Variants in SYT9 observed in about 807,000 individuals in gnomAD.
SYT9 encodes the protein synaptotagmin 9, also known as synaptotagmin-9.
A neutral mutation model predicts 48.4 loss-of-function variants in SYT9; 22 were observed. The observed-to-expected ratio is 0.45, with a 90% confidence interval of 0.32 to 0.65. The LOEUF is 0.65. Among genes scored for constraint, SYT9 ranks in the 30% least tolerant of loss-of-function variants. SYT9 has a pLI of 0.03. For missense variants in SYT9, 577 were observed against 622.0 expected, an observed-to-expected ratio of 0.93 and a Z score of 0.77; for synonymous variants, 265 against 245.0, an observed-to-expected ratio of 1.08 and a Z score of -0.76.
intron 1 of SYT9, among the ~76,000 whole-genome samples, chr11:7,256,670 G>A (rs1228419325): frequency 6.6e-6 from 1 of 152,142 alleles, no homozygotes; most frequent in Non-Finnish European, 1.5e-5. Flanking sequence ...TAATCCCTAA[G>A]TGTAGGTCAC....
At chr11:7,405,919 A>G (rs1258317490) in intron 3 of SYT9, among the ~76,000 whole-genome samples, 1 of 152,220 alleles carries the variant, frequency 6.6e-6, no homozygotes, top group African/African-American at 2.4e-5. Context: ...TGTTTTCATT[A>G]GAAGAGTCAA....
At chr11:7,286,919 C>T (rs964143511) in intron 1 of SYT9, among the ~76,000 whole-genome samples, 2 of 152,194 alleles carry the variant, frequency 1.3e-5, no homozygotes, top group East Asian at 1.9e-4. Flanking sequence ...CAAACTTTCC[C>T]ACATCTTCCT....
chr11:7,459,860 G>A (rs2134157400), intron 6 of SYT9, among the ~76,000 whole-genome samples: 1 of 152,258 alleles, frequency 6.6e-6, no homozygotes, highest in Non-Finnish European at 1.5e-5. Context: ...GAGCTAGGAA[G>A]AGGCAGGGAA....
chr11:7,322,477 C>G lies in SYT9; in HGVS notation c.1044+8536C>G, dbSNP rs1849354924. Reference sequence around the variant, plus strand: ...TTATGAGAGTCCACTGAATCTCACCCTATCATTTTTCCCACTTGTGATCCC... The same window carrying G: ...TTATGAGAGTCCACTGAATCTCACCGTATCATTTTTCCCACTTGTGATCCC... On this transcript the variant is annotated intron_variant, in intron 3 of 6. Coordinates refer to ENST00000318881, the MANE Select transcript of SYT9 (RefSeq NM_175733.4). 5.3e-5 allele frequency among the ~76,000 whole-genome samples: 8 copies of G among 152,244 alleles called. No individual in the cohort carries two copies. The South Asian group carries it at 1.7e-3, about 32-fold the overall frequency.
At chr11:7,365,529 A>G (rs1314113321) in intron 3 of SYT9, among the ~76,000 whole-genome samples, 2 of 152,078 alleles carry the variant, frequency 1.3e-5, no homozygotes, top group African/African-American at 4.8e-5. Context: ...AGGTCAGGGG[A>G]CTGTTTCGTT....
intron 3 of SYT9, among the ~76,000 whole-genome samples, chr11:7,333,821 G>C (rs184151838): frequency 6.6e-6 from 1 of 152,296 alleles, no homozygotes; most frequent in East Asian, 1.9e-4. Flanking sequence ...CTGTCTGCCA[G>C]GCAATGTATT....
At chr11:7,374,408 G>T (rs1391335961) in intron 3 of SYT9, among the ~76,000 whole-genome samples, 1 of 152,122 alleles carries the variant, frequency 6.6e-6, no homozygotes, top group Non-Finnish European at 1.5e-5. Flanking sequence ...CTAGTAGAAT[G>T]ATTTATAATC....
intron 6 of SYT9, among the ~76,000 whole-genome samples, chr11:7,461,019 G>A (rs1848226161): frequency 6.6e-6 from 1 of 152,074 alleles, no homozygotes; most frequent in African/African-American, 2.4e-5. Flanking sequence ...CCAGAGCTAT[G>A]AATTAATAAG....
intron 3 of SYT9, among the ~76,000 whole-genome samples, chr11:7,316,626 C>T (rs1849248460): frequency 6.6e-6 from 1 of 152,182 alleles, no homozygotes; most frequent in South Asian, 2.1e-4. Context: ...TTTTGGTTCA[C>T]ATATGCAATC....
Position 7,303,389 on chromosome 11 carries a change from C to G in SYT9, c.496C>G (p.Arg166Gly). The stretch of plus-strand genomic sequence containing the variant: ...AGTCACAGAGCCAACCTCGTCGGCC[C>G]GGTCAGTAATGCCTTCTCCTTTCTG... ...RQVTEPTSSA[R>G]HNSIRRQLNL... Residue 166 changes from arginine (R) to glycine (G), a missense_variant and splice_region_variant, in exon 2 of 7, where the codon CGG (arginine) becomes GGG (glycine). Physicochemically the swap from Arg to Gly is moderately radical, Grantham distance 125. Transcript: ENST00000318881. 1 of 1,602,484 alleles carries G rather than the reference C, an allele frequency of 6.2e-7. No individual in the cohort carries two copies. The highest frequency in any genetic ancestry group is 8.5e-7 in the Non-Finnish European group (1 of 1,175,952).
intron 3 of SYT9, among the ~76,000 whole-genome samples, chr11:7,347,450 G>T (rs376491346): frequency 7.2e-5 from 11 of 151,988 alleles, no homozygotes; most frequent in African/African-American, 2.4e-4. Context: ...GGCCAGGCTG[G>T]TCTCGAACTC....
At position 7,262,485 on chromosome 11, in the gene SYT9, G is replaced by T. The variant is rs532233704; in HGVS notation, c.145+10154G>T. ...GTGAATGGGAGAGTGAAGGGGACCC[G>T]CACTAAGTTCTGGAACTGTCCAACG... On this transcript the variant is annotated intron_variant, in intron 1 of 6. Coordinates refer to ENST00000318881, the MANE Select transcript of SYT9 (RefSeq NM_175733.4). Among the ~76,000 whole-genome samples the T allele has an allele frequency of 3.3e-5, 5 of 152,178 alleles. No homozygotes were observed. In the East Asian group the frequency reaches 9.7e-4, roughly 29 times the overall value.
intron 1 of SYT9, among the ~76,000 whole-genome samples, chr11:7,276,407 A>G (rs2133894884): frequency 6.6e-6 from 1 of 152,330 alleles, no homozygotes; most frequent in Admixed American, 6.5e-5. Flanking sequence ...TCTAAAAAGC[A>G]GATGTGACCC....
At chr11:7,396,437 G>C (rs1314413997) in intron 3 of SYT9, among the ~76,000 whole-genome samples, 1 of 152,084 alleles carries the variant, frequency 6.6e-6, no homozygotes, top group Non-Finnish European at 1.5e-5. Context: ...TCTTGTATCA[G>C]TAGCTTGTTC....
chr11:7,335,719 G>A (rs1175963256), intron 3 of SYT9, among the ~76,000 whole-genome samples: 1 of 152,028 alleles, frequency 6.6e-6, no homozygotes, highest in African/African-American at 2.4e-5. Context: ...TGGTATATAT[G>A]TACCACATTT....
intron 3 of SYT9, among the ~76,000 whole-genome samples, chr11:7,329,664 A>C (rs192853150): frequency 1.2e-4 from 18 of 152,304 alleles, no homozygotes; most frequent in Non-Finnish European, 2.1e-4. Context: ...AACCATCCTC[A>C]CACTCAAGAA....
chr11:7,431,806 T>C (rs761636654), intron 6 of SYT9, among the ~76,000 whole-genome samples: 2 of 152,246 alleles, frequency 1.3e-5, no homozygotes, highest in Non-Finnish European at 2.9e-5. Flanking sequence ...CCATGTGGCA[T>C]TAAGCCTGCA....
chr11:7,341,061 G>C (rs1849704272), intron 3 of SYT9, among the ~76,000 whole-genome samples: 1 of 152,192 alleles, frequency 6.6e-6, no homozygotes, highest in Non-Finnish European at 1.5e-5. Context: ...GTTTGAAGCT[G>C]TTACTAGCTG....
At chr11:7,340,270 G>C (rs1454162588) in intron 3 of SYT9, among the ~76,000 whole-genome samples, 1 of 152,074 alleles carries the variant, frequency 6.6e-6, no homozygotes, top group Non-Finnish European at 1.5e-5. Context: ...TAATTATATT[G>C]TGATTCTTAG....
Sources: gnomAD v4.1 joint callset for allele counts (sites outside exome capture counted in the v4.1 genomes callset) on GRCh38, gnomAD v4.1.1 for gene constraint, MANE v1.5 for transcripts, NCBI Gene and HGNC (gene_info 2026-07-23, HGNC 2026-07-21) for gene names.